TARBP1: variants seen among roughly 807,000 people sequenced by gnomAD.
The protein encoded by TARBP1 is tRNA (guanosine(18)-2'-O)-methyltransferase TARBP1.
TARBP1 carries 144 observed loss-of-function variants against 178.6 expected under a neutral mutation model. The ratio of observed to expected loss-of-function variants is 0.81; its 90% confidence interval spans 0.70 to 0.93. The LOEUF (loss-of-function observed/expected upper bound fraction) is 0.93. TARBP1 is among the 40% of genes least tolerant of loss of function. TARBP1 has a pLI of 0.00. For missense variants in TARBP1, 2,067 were observed against 2,011.7 expected (o/e 1.03, Z -0.53); for synonymous variants, 787 against 781.0 (o/e 1.01, Z -0.13).
chr1:234,472,980 T>C (rs1669216119), intron 1 of TARBP1, among the ~76,000 whole-genome samples, 169 bp from the exon 2 acceptor site: 2 of 18,982 alleles, frequency 1.1e-4, no homozygotes. Context: ...CAGAGGGAGA[T>C]TTTTTTTTGC....
At chr1:234,404,275 G>T (rs1234714727) in intron 24 of TARBP1, among the ~76,000 whole-genome samples, 1 of 152,046 alleles carries the variant, frequency 6.6e-6, no homozygotes, top group African/African-American at 2.4e-5. Flanking sequence ...CTTCCATTAA[G>T]GAAGGGCTGA....
chr1:234,474,689 T>C (rs1330087536), intron 1 of TARBP1, among the ~76,000 whole-genome samples: 1 of 152,018 alleles, frequency 6.6e-6, no homozygotes, highest in Admixed American at 6.5e-5. Context: ...CTTTAAAATT[T>C]TGAATGGAAA....
At chr1:234,460,871 T>G (rs1180656973) in intron 6 of TARBP1, among the ~76,000 whole-genome samples, 3 of 152,192 alleles carry the variant, frequency 2.0e-5, no homozygotes, top group Non-Finnish European at 2.9e-5. Context: ...AGGAATGAAA[T>G]GCTGATACGT....
At chr1:234,440,829 T>C (rs1665516143) in intron 12 of TARBP1, among the ~76,000 whole-genome samples, 1 of 144,780 alleles carries the variant, frequency 6.9e-6, no homozygotes. Flanking sequence ...ACAAAACCTG[T>C]GTAAGATCTA....
chr1:234,410,998 G>A (rs1352193729), intron 22 of TARBP1, among the ~76,000 whole-genome samples: 1 of 152,156 alleles, frequency 6.6e-6, no homozygotes, highest in Non-Finnish European at 1.5e-5. Context: ...CCTGAACCCA[G>A]GGCAGAGTTT....
intron 5 of TARBP1, among the ~76,000 whole-genome samples, chr1:234,464,480 C>A (rs1572394384): frequency 6.6e-6 from 1 of 152,160 alleles, no homozygotes; most frequent in Non-Finnish European, 1.5e-5. Context: ...AAACTGAAGG[C>A]ATTTCATAAT....
chr1:234,470,276 CA>C (rs1361741294), intron 3 of TARBP1, among the ~76,000 whole-genome samples: 1 of 150,514 alleles, frequency 6.6e-6, no homozygotes, highest in South Asian at 2.1e-4. Flanking sequence ...ATCTCAAAAA[CA>C]AAAAAAAAGA....
rs750151576 is a variant in TARBP1, at chr1:234,429,590, C to A, written c.2697G>T (p.Leu899=). The change falls in exon 16 of 30, where the codon CTG becomes CTT. Residue 899 remains leucine (L), a synonymous_variant. Coordinates refer to ENST00000040877, the MANE Select transcript of TARBP1 (RefSeq NM_005646.4). ...IHDQWVCLSF[L]LKKYHTLIPT... is the part of the protein sequence containing the mutation. ...GTATAAGGGTGTGATATTTTTTCAA[C>A]AGGAAAGAGAGGCACACCCATTGAT... 6.2e-7 allele frequency: 1 copy of A among 1,614,108 alleles called. No homozygotes were observed. Among genetic ancestry groups the A allele is most frequent in the Non-Finnish European group, 8.5e-7 (1 of 1,180,006 alleles).
rs140632760 is a variant in TARBP1, at chr1:234,461,891, T to C, written c.1400-1495A>G. ...TGAAAATGTCTGTTTTCTCACATAG[T>C]TGTAGAATGACTTTCAAGAAATCCT... On this transcript the variant is annotated intron_variant, in intron 6 of 29. Coordinates refer to ENST00000040877, the MANE Select transcript of TARBP1 (RefSeq NM_005646.4). Among the ~76,000 whole-genome samples the C allele has an allele frequency of 1.2e-3, 189 of 152,336 alleles. No individual in the cohort carries two copies. In the East Asian group the frequency reaches 0.023, roughly 19 times the overall value.
chr1:234,393,276 CT>C (rs899127152), intron 28 of TARBP1, 85 bp downstream of exon 28: 13 of 1,298,502 alleles, frequency 1.0e-5, no homozygotes, highest in East Asian at 5.3e-5. Context: ...CAAATACAAA[CT>C]TTTTTTTAAA....
chr1:234,446,916 A>G lies in TARBP1; in HGVS notation c.2021T>C (p.Leu674Pro), dbSNP rs768583524. ...GTAGGCATTGGTACTAAACTTCATA[A>G]GCACATCCAGAAGAGGGTCTAAGAA... The part of the protein sequence containing the change: ...RIFLDPLLDV[L>P]MKFSTNAYMP... The change falls in exon 12 of 30, where the codon CTT (leucine) becomes CCT (proline). Residue 674 changes from leucine to proline, a missense_variant. Coordinates refer to ENST00000040877, the MANE Select transcript of TARBP1 (RefSeq NM_005646.4). 2 of 1,613,846 alleles carry G rather than the reference A, an allele frequency of 1.2e-6. No individual in the cohort carries two copies. Among genetic ancestry groups the G allele is most frequent in the African/African-American group, 2.7e-5 (2 of 74,898 alleles).
At chr1:234,453,331 T>TG (rs1377311299) in intron 9 of TARBP1, among the ~76,000 whole-genome samples, 3 of 143,434 alleles carry the variant, frequency 2.1e-5, no homozygotes, top group Admixed American at 6.9e-5. Flanking sequence ...TTTTGTGTGT[T>TG]TTTTTTTTTT....
chr1:234,427,241 A>G (rs1663874541), intron 19 of TARBP1, 76 bp downstream of exon 19: 31 of 1,012,808 alleles, frequency 3.1e-5, no homozygotes, highest in Non-Finnish European at 4.5e-5. Context: ...TTTAGCAAAT[A>G]CAGAATGTTT....
intron 15 of TARBP1, 87 bp downstream of exon 15, chr1:234,430,000 C>G (rs1454230817): frequency 7.5e-7 from 1 of 1,324,790 alleles, no homozygotes; most frequent in East Asian, 2.3e-5. Context: ...CCCCAAAATT[C>G]TATAACTTTA....
intron 13 of TARBP1, among the ~76,000 whole-genome samples, chr1:234,436,489 G>C (rs1443054009): frequency 6.6e-6 from 1 of 152,100 alleles, no homozygotes; most frequent in Admixed American, 6.5e-5. Flanking sequence ...ACTCCAAAGA[G>C]ATTTTCATAA....
At chr1:234,477,183 AAAACAAACAAAC>A (rs144297836) in intron 1 of TARBP1, among the ~76,000 whole-genome samples, 1 of 151,938 alleles carries the variant, frequency 6.6e-6, no homozygotes, top group African/African-American at 2.4e-5. Context: ...GAAACTCCAT[AAAACAAACAAAC>A]AAACAAACAA....
intron 22 of TARBP1, among the ~76,000 whole-genome samples, chr1:234,411,217 A>G (rs908615186): frequency 2.2e-4 from 33 of 152,266 alleles, no homozygotes; most frequent in African/African-American, 6.8e-4. Flanking sequence ...TTAAAACTGT[A>G]TAACAGCGAT....
chr1:234,398,954 T>C (rs896629896), intron 25 of TARBP1, among the ~76,000 whole-genome samples: 1 of 152,264 alleles, frequency 6.6e-6, no homozygotes, highest in African/African-American at 2.4e-5. Flanking sequence ...TCTTTTACTC[T>C]CGTACCCATT....
chr1:234,435,834 T>A (rs1256505004), intron 13 of TARBP1, among the ~76,000 whole-genome samples: 1 of 152,158 alleles, frequency 6.6e-6, no homozygotes, highest in Non-Finnish European at 1.5e-5. Flanking sequence ...CATATCTCTT[T>A]CCAACTCAGT....
Sources: gnomAD v4.1 joint callset for allele counts (sites outside exome capture counted in the v4.1 genomes callset) on GRCh38, gnomAD v4.1.1 for gene constraint, MANE v1.5 for transcripts, NCBI Gene and HGNC (gene_info 2026-07-23, HGNC 2026-07-21) for gene names.